PCCA: variants seen among roughly 807,000 people sequenced by gnomAD.
PCCA encodes propionyl-CoA carboxylase subunit alpha.
In PCCA, 74 loss-of-function variants were observed where a neutral mutation model predicts 101.3. The observed-to-expected ratio is 0.73, with a 90% CI of 0.61 to 0.89. The LOEUF (loss-of-function observed/expected upper bound fraction) is 0.89, where lower values mean the gene tolerates loss of function less well. Among genes scored for constraint, PCCA ranks in the 40% least tolerant of loss-of-function variants. The probability of loss-of-function intolerance (pLI) is 0.00; values close to 1 mark genes in which losing one functional copy is unlikely to be tolerated. For synonymous variants in PCCA, 294 were observed against 313.6 expected (o/e 0.94, Z 0.66); for missense variants, 891 against 907.0 (o/e 0.98, Z 0.23).
At chr13:100,508,512 C>T (rs893143397) in intron 21 of PCCA, among the ~76,000 whole-genome samples, 1 of 152,306 alleles carries the variant, frequency 6.6e-6, no homozygotes, top group Non-Finnish European at 1.5e-5. Context: ...CGCATTATGT[C>T]GCTGCAATGT....
intron 21 of PCCA, chr13:100,480,968 G>A (rs576068199): frequency 6.6e-6 from 1 of 152,320 alleles, no homozygotes; most frequent in South Asian, 2.1e-4. Flanking sequence ...ACCGAACCCT[G>A]TATACGCTTG....
At chr13:100,466,998 A>G (rs1461113427) in intron 21 of PCCA, among the ~76,000 whole-genome samples, 1 of 152,132 alleles carries the variant, frequency 6.6e-6, no homozygotes, top group Non-Finnish European at 1.5e-5. Context: ...TTGCTTGCTG[A>G]GTGCCTGTAG....
chr13:100,301,087 G>A (rs907495100), intron 12 of PCCA, among the ~76,000 whole-genome samples: 2 of 152,204 alleles, frequency 1.3e-5, no homozygotes, highest in African/African-American at 4.8e-5. Flanking sequence ...TAGATGCCAC[G>A]TTAAGTGCAG....
intron 7 of PCCA, among the ~76,000 whole-genome samples, chr13:100,224,041 G>A (rs1266706123): frequency 2.0e-5 from 3 of 152,248 alleles, no homozygotes; most frequent in Admixed American, 2.0e-4. Context: ...GTCCCGCGCC[G>A]TGCGCCCGCA....
intron 21 of PCCA, among the ~76,000 whole-genome samples, chr13:100,457,751 G>A (rs1347830199): frequency 6.6e-6 from 1 of 152,164 alleles, no homozygotes; most frequent in Non-Finnish European, 1.5e-5. Context: ...CACAAGAAGT[G>A]GAAAAATGCA....
At chr13:100,457,446 T>A (rs1439774249) in intron 21 of PCCA, among the ~76,000 whole-genome samples, 2 of 152,140 alleles carry the variant, frequency 1.3e-5, no homozygotes, top group African/African-American at 2.4e-5. Context: ...GACTCCAGGA[T>A]CAGAGATGAA....
intron 20 of PCCA, among the ~76,000 whole-genome samples, chr13:100,433,032 A>G (rs950503729): frequency 6.6e-6 from 1 of 152,174 alleles, no homozygotes; most frequent in African/African-American, 2.4e-5. Context: ...TTGTTTATCC[A>G]TTCCTCTGTC....
Position 100,274,892 on chromosome 13 carries a change from A to G in PCCA, c.1065+1546A>G, listed in dbSNP as rs2063535799. On this transcript the variant is annotated intron_variant, in intron 12 of 23. Coordinates refer to ENST00000376285, the MANE Select transcript of PCCA (RefSeq NM_000282.4). Reference sequence around the variant, plus strand: ...ACCATTCAAAAAACACATATGGCCTACAGAGATAAATAGATTAGTACTTGC... The same window carrying G: ...ACCATTCAAAAAACACATATGGCCTGCAGAGATAAATAGATTAGTACTTGC... Among the ~76,000 whole-genome samples, 6 of 152,138 alleles carry G rather than the reference A, an allele frequency of 3.9e-5. No homozygotes were observed. The South Asian group carries it at 1.0e-3, about 26-fold the overall frequency.
rs570317365 is a variant in PCCA at position 100,281,672 on chromosome 13, C to T, written c.1065+8326C>T. 2.3e-3 allele frequency among the ~76,000 whole-genome samples: 348 copies of T among 152,176 alleles called. 1 individual carries two copies. Among genetic ancestry groups the T allele is most frequent in the African/African-American group, 8.1e-3 (335 of 41,518 alleles). On this transcript the variant is annotated intron_variant, in intron 12 of 23. Transcript: ENST00000376285. ...ACTTTTATCACAGCCATTTATTTTTCCTCTGTTGAAGCAACCTTTGTTTTT... is the reference window on the plus strand; with the variant it reads ...ACTTTTATCACAGCCATTTATTTTTTCTCTGTTGAAGCAACCTTTGTTTTT...
rs766245108 is a variant in PCCA at position 100,209,453 on chromosome 13, G to C, written c.590G>C (p.Gly197Ala). The C allele has an allele frequency of 2.5e-5, 40 of 1,612,962 alleles. No individual in the cohort carries two copies. The highest frequency in any genetic ancestry group is 2.7e-5 in the Non-Finnish European group (32 of 1,179,126). Residue 197 changes from glycine to alanine, a missense_variant, in exon 7 of 24, where the codon GGA (glycine) becomes GCA (alanine). Physicochemically the swap from Gly to Ala is moderately conservative, Grantham distance 60 (BLOSUM62 0). Transcript: ENST00000376285. ...GTTAATACAATCCCTGGCTTTGATG[G>C]AGTAGTCAAGGTGAGAAGCTACTTT... ...AEVNTIPGFD[G>A]VVKDAEEAVR...
At chr13:100,324,191 C>A (rs2068386851) in intron 16 of PCCA, among the ~76,000 whole-genome samples, 11 of 152,214 alleles carry the variant, frequency 7.2e-5, no homozygotes, top group Admixed American at 7.2e-4. Flanking sequence ...ATGTAACATG[C>A]TTCCTCCCAC....
At chr13:100,263,829 G>GTATATCATATA (rs2062698030) in intron 10 of PCCA, among the ~76,000 whole-genome samples, 7 of 46,554 alleles carry the variant, frequency 1.5e-4, no homozygotes, top group East Asian at 9.7e-4. Context: ...TCATATATAT[G>GTATATCATATA]GTATCTGTAT....
intron 20 of PCCA, among the ~76,000 whole-genome samples, chr13:100,432,360 C>T (rs2079619613): frequency 6.6e-6 from 1 of 152,166 alleles, no homozygotes; most frequent in Non-Finnish European, 1.5e-5. Context: ...ATATTTGCTT[C>T]TGTGAGCTCT....
intron 6 of PCCA, among the ~76,000 whole-genome samples, chr13:100,196,451 C>G (rs972184594): frequency 6.6e-5 from 10 of 152,150 alleles, no homozygotes; most frequent in African/African-American, 2.4e-4. Flanking sequence ...TTAACTTCTG[C>G]CGACAGTTAC....
intron 6 of PCCA, among the ~76,000 whole-genome samples, chr13:100,204,582 G>A (rs1489070034): frequency 6.6e-6 from 1 of 152,188 alleles, no homozygotes; most frequent in African/African-American, 2.4e-5. Context: ...AATGAAATAT[G>A]TATCATACAT....
At chr13:100,259,925 A>G (rs1435816149) in intron 9 of PCCA, among the ~76,000 whole-genome samples, 1 of 152,192 alleles carries the variant, frequency 6.6e-6, no homozygotes, top group Non-Finnish European at 1.5e-5. Flanking sequence ...AGTGATATTC[A>G]TAATAGAGTT....
At chr13:100,517,046 C>CGTGTGTGTGTGTGTGTGT (rs3840814) in intron 22 of PCCA, among the ~76,000 whole-genome samples, 18 of 133,066 alleles carry the variant, frequency 1.4e-4, no homozygotes, top group East Asian at 7.7e-4. Flanking sequence ...ATTATAAAAT[C>CGTGTGTGTGTGTGTGTGT]GTGTGTGTGT....
At chr13:100,101,037 A>G (rs1474561691) in intron 1 of PCCA, among the ~76,000 whole-genome samples, 3 of 152,114 alleles carry the variant, frequency 2.0e-5, no homozygotes, top group Non-Finnish European at 2.9e-5. Context: ...TCCCAACCTC[A>G]AGTGATCTGC....
At chr13:100,516,736 C>CGTGTGTGTGTGTGTGTGTGTGT (rs3840000) in intron 22 of PCCA, among the ~76,000 whole-genome samples, 1 of 144,966 alleles carries the variant, frequency 6.9e-6, no homozygotes, top group Non-Finnish European at 1.5e-5. Flanking sequence ...AGAAAAATTA[C>CGTGTGTGTGTGTGTGTGTGTGT]GTGTGTGTGT....
Sources: gnomAD v4.1 joint callset for allele counts (sites outside exome capture counted in the v4.1 genomes callset) on GRCh38, gnomAD v4.1.1 for gene constraint, MANE v1.5 for transcripts, NCBI Gene and HGNC (gene_info 2026-07-23, HGNC 2026-07-21) for gene names.